RSPRY1: variants seen among roughly 807,000 people sequenced by gnomAD.
RSPRY1 encodes the protein ring finger and SPRY domain containing 1, also known as RING finger and SPRY domain-containing protein 1.
A neutral mutation model predicts 73.1 loss-of-function variants in RSPRY1; 23 were observed. The observed-to-expected ratio is 0.31, with a 90% CI of 0.23 to 0.45. The LOEUF is 0.45. Among genes scored for constraint, RSPRY1 ranks in the 20% least tolerant of loss-of-function variants. RSPRY1 has a pLI of 1.00. For synonymous variants in RSPRY1, 226 were observed against 251.4 expected (o/e 0.90, Z 0.95); for missense variants, 448 against 698.7 (o/e 0.64, Z 4.05).
chr16:57,232,869 C>T (rs574450082), intron 13 of RSPRY1, among the ~76,000 whole-genome samples: 56 of 152,310 alleles, frequency 3.7e-4, no homozygotes, highest in African/African-American at 1.3e-3. Context: ...TATGCTGTCT[C>T]TAGACTGTTT....
rs2075360484 is a variant in RSPRY1, at chr16:57,240,387, T to A, written c.*1412T>A. ...AAATATATATATATATAAATATATATGTAGGATACATGTTCTCTTCTTTAG... is the reference window on the plus strand; with the variant it reads ...AAATATATATATATATAAATATATAAGTAGGATACATGTTCTCTTCTTTAG... On this transcript the variant is annotated 3_prime_UTR_variant, in exon 15 of 15. Coordinates refer to ENST00000394420, the MANE Select transcript of RSPRY1 (RefSeq NM_133368.3). 6.6e-6 allele frequency: 1 copy of A among 151,716 alleles called. No homozygotes were observed. Among genetic ancestry groups the A allele is most frequent in the Non-Finnish European group, 1.5e-5 (1 of 67,934 alleles). 9.4% of individuals were successfully genotyped at this position (151,716 alleles called of 1,614,324 possible). A position where few individuals can be genotyped will look rare whatever the true frequency, so the allele number is the denominator to read the frequency against.
At chr16:57,215,483 G>A (rs62038960) in intron 6 of RSPRY1, among the ~76,000 whole-genome samples, 27 of 152,162 alleles carry the variant, frequency 1.8e-4, no homozygotes, top group Non-Finnish European at 3.8e-4. Context: ...AGTAGGGAAA[G>A]CACAGCTATG....
chr16:57,230,920 T>C (rs1257327872), intron 12 of RSPRY1, 107 bp downstream of exon 12: 2 of 742,258 alleles, frequency 2.7e-6, no homozygotes, highest in African/African-American at 3.5e-5. Context: ...TGATGAGAAA[T>C]TGATTAATTT....
At position 57,216,921 on chromosome 16, in the gene RSPRY1, A is replaced by G; in HGVS notation, c.787A>G (p.Ile263Val). 7 of 1,613,300 alleles carry G rather than the reference A, an allele frequency of 4.3e-6. No individual in the cohort carries two copies. Among genetic ancestry groups the G allele is most frequent in the Non-Finnish European group, 5.9e-6 (7 of 1,179,262 alleles). Residue 263 changes from isoleucine (I) to valine (V), a missense_variant, in exon 8 of 15, where the codon ATT becomes GTT. Physicochemically the swap from Ile to Val is conservative, Grantham distance 29. Coordinates refer to ENST00000394420, the MANE Select transcript of RSPRY1 (RefSeq NM_133368.3). Reference protein sequence around the residue: ...FAQTSENKLTISESSISDRLV... With the variant: ...FAQTSENKLTVSESSISDRLV... ...CCAAACAGGTGAAAATAAATTGACT[A>G]TTTCTGAATCCAGTATTAGTGACCG...
chr16:57,193,867 A>C (rs965420408), intron 1 of RSPRY1, among the ~76,000 whole-genome samples: 1 of 152,092 alleles, frequency 6.6e-6, no homozygotes, highest in Non-Finnish European at 1.5e-5. Flanking sequence ...GGAGTTTGAG[A>C]CCAGCCTAGC....
intron 3 of RSPRY1, 79 bp from the exon 4 acceptor site, chr16:57,208,996 G>A: frequency 1.1e-6 from 1 of 935,356 alleles, no homozygotes; most frequent in Non-Finnish European, 1.6e-6. Context: ...TTCTTTTAAT[G>A]TGAATTGATC....
chr16:57,195,168 A>G (rs375747843), intron 1 of RSPRY1, among the ~76,000 whole-genome samples: 5 of 152,362 alleles, frequency 3.3e-5, no homozygotes, highest in African/African-American at 1.2e-4. Context: ...TAGATTTGCA[A>G]AGGAAATATT....
chr16:57,186,985 G>A (rs2074218410), intron 1 of RSPRY1: 1 of 152,224 alleles, frequency 6.6e-6, no homozygotes, highest in Non-Finnish European at 1.5e-5. Flanking sequence ...GAGAGAGAAT[G>A]GGGCTAGGAA....
intron 8 of RSPRY1, chr16:57,219,750 G>A (rs930338275): frequency 6.6e-6 from 1 of 152,148 alleles, no homozygotes; most frequent in Non-Finnish European, 1.5e-5. Context: ...GTCCTGGAGA[G>A]TTTCCCCAAT....
intron 1 of RSPRY1, among the ~76,000 whole-genome samples, chr16:57,201,579 C>G (rs1486931491): frequency 6.6e-6 from 1 of 152,268 alleles, no homozygotes; most frequent in Non-Finnish European, 1.5e-5. Context: ...AGGCTGCAAT[C>G]TCGGCACTTT....
intron 14 of RSPRY1, among the ~76,000 whole-genome samples, chr16:57,237,501 A>T (rs1279456990): frequency 6.6e-6 from 1 of 152,142 alleles, no homozygotes; most frequent in African/African-American, 2.4e-5. Context: ...GGAGAGGGGC[A>T]GTTATCACTT....
rs1480326916 is a variant in RSPRY1 at position 57,231,244 on chromosome 16, A to G, written c.1454A>G (p.Tyr485Cys). 4 of 1,613,776 alleles carry G rather than the reference A, an allele frequency of 2.5e-6. No homozygotes were observed. The Admixed American group carries it at 6.7e-5, about 27-fold the overall frequency. Residue 485 changes from tyrosine to cysteine, a missense_variant, in exon 13 of 15, where the codon TAC becomes TGC. Coordinates refer to ENST00000394420, the MANE Select transcript of RSPRY1 (RefSeq NM_133368.3). ...AATTTTGGAGCAAAACCATTCAAAT[A>G]CCCACCATCTATGAAATTTAGCACT... Reference protein sequence around the residue: ...EFNFGAKPFKYPPSMKFSTFN... With the variant: ...EFNFGAKPFKCPPSMKFSTFN...
intron 1 of RSPRY1, among the ~76,000 whole-genome samples, chr16:57,193,803 C>T (rs1462712207): frequency 6.6e-6 from 1 of 152,156 alleles, no homozygotes; most frequent in Non-Finnish European, 1.5e-5. Flanking sequence ...CGGTGGCTCA[C>T]GCCTGTAATC....
intron 1 of RSPRY1, among the ~76,000 whole-genome samples, chr16:57,204,022 C>A (rs2074676264): frequency 1.3e-5 from 2 of 152,066 alleles, no homozygotes; most frequent in African/African-American, 4.8e-5. Flanking sequence ...TTTTTTTTAA[C>A]AACAAACGTC....
intron 11 of RSPRY1, among the ~76,000 whole-genome samples, chr16:57,230,003 C>T (rs1424578609): frequency 1.0e-4 from 12 of 119,988 alleles, no homozygotes; most frequent in Non-Finnish European, 1.9e-4. Context: ...CCACGCCCTG[C>T]CCTTTTTTTT....
chr16:57,217,121 A>G (rs916821580), intron 8 of RSPRY1, 86 bp downstream of exon 8: 18 of 1,475,416 alleles, frequency 1.2e-5, no homozygotes, highest in African/African-American at 4.2e-5. Context: ...TCCTTTTGCA[A>G]TGGTAAGTAT....
chr16:57,198,136 A>G (rs1460950744), intron 1 of RSPRY1, among the ~76,000 whole-genome samples: 11 of 152,170 alleles, frequency 7.2e-5, no homozygotes, highest in Admixed American at 7.2e-4. Context: ...CTGTAATCCC[A>G]GCATTTTGGG....
chr16:57,201,280 A>T (rs1330469093), intron 1 of RSPRY1, among the ~76,000 whole-genome samples: 3 of 148,642 alleles, frequency 2.0e-5, no homozygotes, highest in African/African-American at 7.5e-5. Context: ...CACTTCTCAG[A>T]CGGGGCGGTT....
intron 8 of RSPRY1, among the ~76,000 whole-genome samples, chr16:57,217,702 A>C (rs962786452): frequency 6.6e-6 from 1 of 152,282 alleles, no homozygotes; most frequent in East Asian, 1.9e-4. Flanking sequence ...TCATGTCTGC[A>C]CTCAAAAAGT....
Sources: gnomAD v4.1 joint callset for allele counts (sites outside exome capture counted in the v4.1 genomes callset) on GRCh38, gnomAD v4.1.1 for gene constraint, MANE v1.5 for transcripts, NCBI Gene and HGNC (gene_info 2026-07-23, HGNC 2026-07-21) for gene names.